FBXO47: variants seen among roughly 807,000 people sequenced by gnomAD.
The protein encoded by FBXO47 is F-box only protein 47.
A neutral mutation model predicts 53.9 loss-of-function variants in FBXO47; 34 were observed. The ratio of observed to expected loss-of-function variants is 0.63; its 90% CI spans 0.48 to 0.84. The LOEUF (loss-of-function observed/expected upper bound fraction) is 0.84. FBXO47 is among the 40% of genes least tolerant of loss of function. The pLI is 0.00. For missense variants in FBXO47, 485 were observed against 541.3 expected (o/e 0.90, Z 1.03); for synonymous variants, 165 against 181.6 (o/e 0.91, Z 0.73).
At chr17:38,944,288 G>GGT (rs1448188028) in intron 7 of FBXO47, among the ~76,000 whole-genome samples, 5 of 151,574 alleles carry the variant, frequency 3.3e-5, no homozygotes, top group South Asian at 2.1e-4. Context: ...CACTTGGGGA[G>GGT]GCCAAGGTGG....
intron 3 of FBXO47, among the ~76,000 whole-genome samples, chr17:38,961,059 T>C (rs947096435): frequency 6.6e-6 from 1 of 152,232 alleles, no homozygotes; most frequent in African/African-American, 2.4e-5. Flanking sequence ...TTTCTTTCAT[T>C]TGGTCTTATT....
chr17:38,944,191 A>ATGTGTGTGTGTGTG (rs71141737), intron 7 of FBXO47, among the ~76,000 whole-genome samples: 31 of 133,704 alleles, frequency 2.3e-4, no homozygotes, highest in East Asian at 1.4e-3. Flanking sequence ...CAAAAAAAAC[A>ATGTGTGTGTGTGTG]TGTGTGTGTG....
intron 10 of FBXO47, among the ~76,000 whole-genome samples, chr17:38,937,721 G>A (rs1334342455): frequency 2.0e-5 from 3 of 152,038 alleles, no homozygotes; most frequent in Admixed American, 2.0e-4. Context: ...AGGCTGGAGT[G>A]CAGTGGCACA....
intron 9 of FBXO47, among the ~76,000 whole-genome samples, chr17:38,940,813 C>T (rs115861714): frequency 0.013 from 2,004 of 151,312 alleles, 87 homozygotes; most frequent in African/African-American, 0.047. Context: ...GTAGCAGGGA[C>T]GATAGACACA....
At chr17:38,950,536 G>T (rs556792262) in intron 6 of FBXO47, among the ~76,000 whole-genome samples, 1 of 148,258 alleles carries the variant, frequency 6.7e-6, no homozygotes. Flanking sequence ...CTAGGCTCAA[G>T]TAATCCTCCC....
At position 38,937,950 on chromosome 17, in the gene FBXO47, G is replaced by A. The variant is rs181262140; in HGVS notation, c.1243+623C>T. ...CCCAAAGTGCTGGGATTACAGGCAT[G>A]AGCCACCTCGCCCAGCCTTCCCTAG... is the stretch of plus-strand genomic sequence containing the variant. On this transcript the variant is annotated intron_variant, in intron 10 of 10. Coordinates refer to ENST00000378079, the MANE Select transcript of FBXO47 (RefSeq NM_001008777.3). 1.2e-4 allele frequency among the ~76,000 whole-genome samples: 18 copies of A among 152,286 alleles called. No homozygotes were observed. In the East Asian group the frequency reaches 2.5e-3, roughly 21 times the overall value.
rs1567717516 is a variant in FBXO47, at chr17:38,946,955, TATATAAAC to T, written c.617-1827_617-1820del. Among the ~76,000 whole-genome samples, 107 of 115,484 alleles carry T rather than the reference TATATAAAC, an allele frequency of 9.3e-4. No homozygotes were observed. The East Asian group carries it at 0.013, about 14-fold the overall frequency. 75.8% of individuals were successfully genotyped at this position (115,484 alleles called of 152,430 possible). A position where few individuals can be genotyped will look rare whatever the true frequency, so the allele number is the denominator to read the frequency against. On this transcript the variant is annotated intron_variant, in intron 6 of 10. Transcript: ENST00000378079. ...ATAAATATATATAAACATATATAAA[TATATAAAC>T]ATATATAAATATATGTAAATATATA...
chr17:38,943,558 T>C (rs1904603914), intron 8 of FBXO47, 32 bp downstream of exon 8: 2 of 1,354,842 alleles, frequency 1.5e-6, no homozygotes, highest in East Asian at 5.2e-5. Flanking sequence ...AATAAATTTC[T>C]ATTATTCTAT....
chr17:38,965,141 C>T (rs1457387046), intron 1 of FBXO47, among the ~76,000 whole-genome samples: 1 of 152,200 alleles, frequency 6.6e-6, no homozygotes, highest in Non-Finnish European at 1.5e-5. Flanking sequence ...AAAGCCACCA[C>T]GCCCGCCCAT....
chr17:38,946,259 T>C (rs1322956535), intron 6 of FBXO47, among the ~76,000 whole-genome samples: 1 of 102,928 alleles, frequency 9.7e-6, no homozygotes, highest in Non-Finnish European at 1.7e-5. Flanking sequence ...TATAAAAATA[T>C]GTATAAATAT....
chr17:38,937,379 C>T, intron 10 of FBXO47, 89 bp from the exon 11 acceptor site: 1 of 438,226 alleles, frequency 2.3e-6, no homozygotes, highest in East Asian at 4.0e-5. Context: ...ATTTTTGAGA[C>T]ACAGTCTCCC....
At chr17:38,938,214 T>A (rs1469991864) in intron 10 of FBXO47, among the ~76,000 whole-genome samples, 1 of 152,202 alleles carries the variant, frequency 6.6e-6, no homozygotes, top group African/African-American at 2.4e-5. Context: ...TGTAAAATAA[T>A]ATTTACAAAT....
chr17:38,959,388 G>C (rs566558060), intron 3 of FBXO47, among the ~76,000 whole-genome samples: 3 of 151,720 alleles, frequency 2.0e-5, no homozygotes, highest in Non-Finnish European at 4.4e-5. Flanking sequence ...TTCGAGACCA[G>C]CCTGGCCAAC....
At chr17:38,952,940 A>G (rs1437938294) in intron 5 of FBXO47, among the ~76,000 whole-genome samples, 2 of 150,652 alleles carry the variant, frequency 1.3e-5, no homozygotes, top group African/African-American at 4.9e-5. Context: ...AGGTGTGAGC[A>G]ACTACGCCTG....
Position 38,962,050 on chromosome 17 carries a change from A to G in FBXO47, c.182-3T>C, listed in dbSNP as rs1447395764. 31 of 1,608,840 alleles carry G rather than the reference A, an allele frequency of 1.9e-5. No individual in the cohort carries two copies. The highest frequency in any genetic ancestry group is 2.6e-5 in the Non-Finnish European group (31 of 1,178,418). ...GCTTAGCATGCTGATATCCTTCACT[A>G]CCAAAAGAAATATATATGTGTATGT... On this transcript the variant is annotated splice_region_variant and splice_polypyrimidine_tract_variant and intron_variant, in intron 2 of 10. Transcript: ENST00000378079.
At position 38,936,593 on chromosome 17, in the gene FBXO47, CTA is replaced by C. The variant is rs3834564; in HGVS notation, c.*580_*581del. The C allele has an allele frequency of 0.13, 19,682 of 150,118 alleles. 1,850 individuals are homozygous for C. Among genetic ancestry groups the C allele is most frequent in the East Asian group, 0.29 (1,491 of 5,056 alleles). 9.3% of individuals were successfully genotyped at this position (150,118 alleles called of 1,614,324 possible). On this transcript the variant is annotated 3_prime_UTR_variant, in exon 11 of 11. Coordinates refer to ENST00000378079, the MANE Select transcript of FBXO47 (RefSeq NM_001008777.3). The stretch of plus-strand genomic sequence containing the variant: ...GAAATATATGTCTGTGTGTGTGTGT[CTA>C]TATATATATATAGACATATATGTAT...
chr17:38,955,873 G>C (rs1428983242), intron 4 of FBXO47, among the ~76,000 whole-genome samples: 1 of 146,844 alleles, frequency 6.8e-6, no homozygotes, highest in Non-Finnish European at 1.5e-5. Context: ...CAGGAGAATT[G>C]CTTGAATCTG....
At position 38,938,239 on chromosome 17, in the gene FBXO47, G is replaced by T. The variant is rs116644150; in HGVS notation, c.1243+334C>A. Among the ~76,000 whole-genome samples, 813 of 152,242 alleles carry T rather than the reference G, an allele frequency of 5.3e-3. 7 individuals carry two copies. Among genetic ancestry groups the T allele is most frequent in the African/African-American group, 0.018 (742 of 41,548 alleles). On this transcript the variant is annotated intron_variant, in intron 10 of 10. Transcript: ENST00000378079. Reference sequence around the variant, plus strand: ...TATTTACAAATATATTTTTATGCTAGTGACAGTTGGTAAGTGAGCAAGTTA... The same window carrying T: ...TATTTACAAATATATTTTTATGCTATTGACAGTTGGTAAGTGAGCAAGTTA...
rs369538334 is a variant in FBXO47 at position 38,947,252 on chromosome 17, A to T, written c.617-2116T>A. On this transcript the variant is annotated intron_variant, in intron 6 of 10. Transcript: ENST00000378079. ...GAGATGGAGGTGGCAGCGAGCTGAG[A>T]TCTCACAACTGCACTCCAGCCTGGG... Among the ~76,000 whole-genome samples the T allele has an allele frequency of 2.3e-3, 346 of 151,542 alleles. 1 individual carries two copies. The highest frequency in any genetic ancestry group is 8.1e-3 in the African/African-American group (337 of 41,362).
Sources: allele counts gnomAD v4.1 joint callset (sites outside exome capture counted in the v4.1 genomes callset), GRCh38; gene constraint gnomAD v4.1.1; transcripts MANE v1.5; gene names NCBI Gene and HGNC (gene_info 2026-07-23, HGNC 2026-07-21).